Variants in RAF1 observed in about 807,000 individuals in gnomAD.
The protein encoded by RAF1 is Raf-1 proto-oncogene, serine/threonine kinase, also known as RAF proto-oncogene serine/threonine-protein kinase.
Under a neutral mutation model 81.1 loss-of-function variants are expected in RAF1, and 27 were observed. That is an observed-to-expected ratio of 0.33 (90% CI 0.25 to 0.46). The LOEUF (loss-of-function observed/expected upper bound fraction) is 0.46, where lower values mean the gene tolerates loss of function less well. Ranked by LOEUF, RAF1 falls within the 20% of genes least tolerant of loss-of-function variation. The pLI is 1.00. For synonymous variants in RAF1, 298 were observed against 294.0 expected (o/e 1.01, Z -0.14); for missense variants, 598 against 826.0 (o/e 0.72, Z 3.38).
At chr3:12,600,353 C>A (rs2058823975) in intron 9 of RAF1, 35 bp downstream of exon 8, 4 of 1,613,866 alleles carry the variant, frequency 2.5e-6, no homozygotes, top group African/African-American at 2.7e-5. Context: ...GAAAAAAAGC[C>A]CATTATTGTT....
rs559068050 is a variant in RAF1 at position 12,641,465 on chromosome 3, C to T, written c.-27+22348G>A. 1.0e-4 allele frequency among the ~76,000 whole-genome samples: 15 copies of T among 148,314 alleles called. 2 individuals are homozygous for T. The South Asian group carries it at 3.2e-3, about 32-fold the overall frequency. On this transcript the variant is annotated intron_variant, in intron 1 of 17. Coordinates refer to ENST00000442415, the MANE Select transcript of RAF1 (RefSeq NM_001354689.3). ...ATTTCCAAATATTTGGTGGACATGT[C>T]CCCCCCAAAAAAAAATGTTTTTTGG...
intron 1 of RAF1, among the ~76,000 whole-genome samples, chr3:12,636,590 T>C (rs1031569432): frequency 2.6e-5 from 4 of 151,850 alleles, no homozygotes; most frequent in Non-Finnish European, 4.4e-5. Context: ...GAAGACTACT[T>C]GGGTCCAGAA....
At chr3:12,652,045 A>C (rs2060546336) in intron 1 of RAF1, among the ~76,000 whole-genome samples, 1 of 150,046 alleles carries the variant, frequency 6.7e-6, no homozygotes, top group Non-Finnish European at 1.5e-5. Flanking sequence ...TAAATAAATA[A>C]ATAAATAAAT....
chr3:12,599,250 C>T (rs1445426879), intron 11 of RAF1: 1 of 171,902 alleles, frequency 5.8e-6, no homozygotes, highest in Admixed American at 5.4e-5. Context: ...AGAGAAGTTA[C>T]TTCAGGAGAT....
At chr3:12,595,353 T>C (rs560086910) in intron 11 of RAF1, among the ~76,000 whole-genome samples, 4 of 152,272 alleles carry the variant, frequency 2.6e-5, no homozygotes, top group African/African-American at 9.6e-5. Flanking sequence ...GTTATAGATG[T>C]GGGCCACTGC....
At chr3:12,594,662 T>A (rs1188833163) in intron 11 of RAF1, among the ~76,000 whole-genome samples, 1 of 152,228 alleles carries the variant, frequency 6.6e-6, no homozygotes, top group African/African-American at 2.4e-5. Context: ...TTCTACTTTT[T>A]GGAACAATGA....
intron 1 of RAF1, among the ~76,000 whole-genome samples, chr3:12,661,226 T>G (rs2060866741): frequency 6.6e-6 from 1 of 152,206 alleles, no homozygotes; most frequent in South Asian, 2.1e-4. Flanking sequence ...TTATAGCTAT[T>G]TTAGGAAAAT....
intron 1 of RAF1, among the ~76,000 whole-genome samples, chr3:12,650,032 G>C (rs562010520): frequency 1.8e-4 from 27 of 150,536 alleles, no homozygotes; most frequent in Admixed American, 1.5e-3. Flanking sequence ...TGTAATCCCA[G>C]CTACTCGGGA....
chr3:12,585,371 A>G, intron 15 of RAF1, 118 bp from the exon 15 acceptor site: 1 of 1,554,120 alleles, frequency 6.4e-7, no homozygotes, highest in Non-Finnish European at 8.7e-7. Flanking sequence ...TTCAGTCCCC[A>G]CATAGCTTTT....
rs371820097 is a variant in RAF1 at position 12,583,765 on chromosome 3, CTGTT to C, written c.*745_*748del. The C allele has an allele frequency of 0.071, 16,631 of 233,406 alleles. 693 individuals are homozygous for C. The highest frequency in any genetic ancestry group is 0.096 in the Non-Finnish European group (11,273 of 118,026). The allele number at this position is 233,406 out of a possible 1,614,324, so 14.5% of individuals were successfully genotyped here. On this transcript the variant is annotated 3_prime_UTR_variant, in exon 18 of 18. Transcript: ENST00000442415. ...ACATGATGTGACTAGAGAAACAAGGCTGTTTGTTTGTTTGTTTGTTAGAGAAACA... is the reference window on the plus strand; with the variant it reads ...ACATGATGTGACTAGAGAAACAAGGCTGTTTGTTTGTTTGTTAGAGAAACA...
intron 1 of RAF1, among the ~76,000 whole-genome samples, chr3:12,621,863 A>G (rs1432894806): frequency 6.6e-6 from 1 of 152,236 alleles, no homozygotes; most frequent in Admixed American, 6.5e-5. Flanking sequence ...TTAATCTACA[A>G]AGAGGGAAAT....
Position 12,583,632 on chromosome 3 carries a change from T to C in RAF1, c.*882A>G. On this transcript the variant is annotated 3_prime_UTR_variant, in exon 18 of 18. Coordinates refer to ENST00000442415, the MANE Select transcript of RAF1 (RefSeq NM_001354689.3). The stretch of plus-strand genomic sequence containing the variant: ...CTAAATTTAATTTATTTTATTAAAA[T>C]AACATAATTGAGGGACCATCAGATA... The C allele has an allele frequency of 4.3e-6, 1 of 232,646 alleles. No individual in the cohort carries two copies. The highest frequency in any genetic ancestry group is 8.5e-6 in the Non-Finnish European group (1 of 117,666). 14.4% of individuals were successfully genotyped at this position (232,646 alleles called of 1,614,324 possible).
intron 1 of RAF1, among the ~76,000 whole-genome samples, chr3:12,622,248 C>T (rs893313785): frequency 2.6e-5 from 4 of 152,200 alleles, no homozygotes; most frequent in South Asian, 4.2e-4. Flanking sequence ...AAATAGATGA[C>T]GGAAGAGACA....
intron 6 of RAF1, among the ~76,000 whole-genome samples, chr3:12,605,654 C>T (rs915846701): frequency 9.2e-5 from 14 of 152,030 alleles, no homozygotes; most frequent in Non-Finnish European, 1.5e-4. Flanking sequence ...AGTAGATAAA[C>T]GCAACAAAAC....
intron 1 of RAF1, among the ~76,000 whole-genome samples, chr3:12,626,445 G>T (rs1292865135): frequency 6.6e-6 from 1 of 151,580 alleles, no homozygotes; most frequent in African/African-American, 2.4e-5. Flanking sequence ...TCAAAAATTA[G>T]CTGAGTGTCA....
chr3:12,611,887 A>G (rs1427368588), intron 3 of RAF1, 63 bp downstream of exon 3: 4 of 1,102,288 alleles, frequency 3.6e-6, no homozygotes, highest in Non-Finnish European at 5.6e-6. Flanking sequence ...ATACAAACAT[A>G]GCTATTTGAA....
At position 12,624,929 on chromosome 3, in the gene RAF1, A is replaced by AAAT. The variant is rs569307527; in HGVS notation, c.-26-6185_-26-6183dup. ...AAAAACAAAAACAAGGAGCTCCTAA[A>AAAT]AATTAGTAAAAGATGAACAATGCCA... On this transcript the variant is annotated intron_variant, in intron 1 of 17. Transcript: ENST00000442415. Among the ~76,000 whole-genome samples the AAAT allele has an allele frequency of 4.8e-3, 722 of 151,822 alleles. 7 individuals are homozygous for AAAT. The highest frequency in any genetic ancestry group is 0.016 in the African/African-American group (646 of 41,416).
intron 1 of RAF1, among the ~76,000 whole-genome samples, chr3:12,632,058 T>C (rs1489282837): frequency 2.0e-5 from 3 of 152,034 alleles, no homozygotes; most frequent in African/African-American, 7.2e-5. Flanking sequence ...CAGGGCACAG[T>C]GGCTCACGCC....
chr3:12,629,843 T>C (rs1461821585), intron 1 of RAF1, among the ~76,000 whole-genome samples: 2 of 152,228 alleles, frequency 1.3e-5, no homozygotes, highest in Non-Finnish European at 2.9e-5. Context: ...TGGAGTGCAG[T>C]GGCATGATCA....
Sources: gnomAD v4.1 joint callset for allele counts (sites outside exome capture counted in the v4.1 genomes callset) on GRCh38, gnomAD v4.1.1 for gene constraint, MANE v1.5 for transcripts, NCBI Gene and HGNC (gene_info 2026-07-23, HGNC 2026-07-21) for gene names.